The following PHLPP1 variants were observed in gnomAD, a reference collection of about 807,000 sequenced individuals.
PHLPP1 encodes PH domain and leucine rich repeat protein phosphatase 1.
Under a neutral mutation model 117.2 loss-of-function variants are expected in PHLPP1, and 42 were observed. The ratio of observed to expected loss-of-function variants is 0.36; its 90% CI spans 0.28 to 0.46. The LOEUF (loss-of-function observed/expected upper bound fraction) is 0.46. Among genes scored for constraint, PHLPP1 ranks in the 20% least tolerant of loss-of-function variants. The pLI is 1.00. For missense variants in PHLPP1, 2,084 were observed against 2,241.9 expected (o/e 0.93, Z 1.42); for synonymous variants, 1,042 against 970.7 (o/e 1.07, Z -1.37).
At chr18:62,718,644 G>T (rs376191196) in intron 1 of PHLPP1, among the ~76,000 whole-genome samples, 1 of 152,078 alleles carries the variant, frequency 6.6e-6, no homozygotes, top group African/African-American at 2.4e-5. Flanking sequence ...TAAAGTTTAT[G>T]GTCCAGGAAA....
chr18:62,952,237 G>A (rs994739212), intron 12 of PHLPP1, among the ~76,000 whole-genome samples: 2 of 152,098 alleles, frequency 1.3e-5, no homozygotes, highest in African/African-American at 4.8e-5. Flanking sequence ...ACCAGCCTGC[G>A]CAACATGGCA....
At chr18:62,953,173 G>A (rs1910512576) in intron 12 of PHLPP1, among the ~76,000 whole-genome samples, 1 of 152,160 alleles carries the variant, frequency 6.6e-6, no homozygotes, top group Admixed American at 6.5e-5. Context: ...AAGCTAAAAT[G>A]TTCTAGTTCC....
chr18:62,742,193 G>T (rs1025555005), intron 1 of PHLPP1, among the ~76,000 whole-genome samples: 1 of 152,150 alleles, frequency 6.6e-6, no homozygotes, highest in Admixed American at 6.5e-5. Context: ...GTAGGAGGGA[G>T]AAAAGAGAAA....
rs939218004 is a variant in PHLPP1 at position 62,836,094 on chromosome 18, A to C, written c.1774-2690A>C. ...CCGTGCCCGGCCTTGTTCTTGATAC[A>C]TATATATATTTTTAAATTACTGGGT... On this transcript the variant is annotated intron_variant, in intron 2 of 16. Coordinates refer to ENST00000262719, the MANE Select transcript of PHLPP1 (RefSeq NM_194449.4). Among the ~76,000 whole-genome samples, 4 of 151,484 alleles carry C rather than the reference A, an allele frequency of 2.6e-5. No individual in the cohort carries two copies. In the East Asian group the frequency reaches 7.7e-4, roughly 29 times the overall value.
At chr18:62,893,191 A>G (rs1424151948) in intron 4 of PHLPP1, among the ~76,000 whole-genome samples, 1 of 151,934 alleles carries the variant, frequency 6.6e-6, no homozygotes, top group African/African-American at 2.4e-5. Context: ...ACAGGTGCCC[A>G]CCAACATGGC....
At chr18:62,818,781 A>G (rs1014644646) in intron 1 of PHLPP1, among the ~76,000 whole-genome samples, 1 of 152,200 alleles carries the variant, frequency 6.6e-6, no homozygotes, top group East Asian at 1.9e-4. Flanking sequence ...ACAATAGTAT[A>G]TTGTGGGTGG....
At chr18:62,885,521 G>A (rs770059865) in intron 4 of PHLPP1, among the ~76,000 whole-genome samples, 4 of 152,152 alleles carry the variant, frequency 2.6e-5, no homozygotes, top group Non-Finnish European at 5.9e-5. Flanking sequence ...TTAGCTGGGT[G>A]TGGGGGCATG....
chr18:62,748,238 G>GT (rs1383436699), intron 1 of PHLPP1, among the ~76,000 whole-genome samples: 9 of 141,118 alleles, frequency 6.4e-5, no homozygotes, highest in South Asian at 2.1e-4. Flanking sequence ...TCAGGATAGG[G>GT]TTTTTTTTGT....
At chr18:62,797,902 C>G (rs907002975) in intron 1 of PHLPP1, among the ~76,000 whole-genome samples, 3 of 152,116 alleles carry the variant, frequency 2.0e-5, no homozygotes, top group Admixed American at 6.5e-5. Context: ...CTGTTTTATC[C>G]TGACTAATGG....
intron 8 of PHLPP1, 113 bp from the exon 9 acceptor site, chr18:62,914,800 C>A (rs898147597): frequency 1.1e-5 from 8 of 703,898 alleles, no homozygotes; most frequent in Admixed American, 2.6e-5. Context: ...GATTTATGCC[C>A]TTGGTACTTT....
intron 1 of PHLPP1, among the ~76,000 whole-genome samples, chr18:62,765,519 A>G (rs1329797739): frequency 1.3e-5 from 2 of 152,224 alleles, no homozygotes; most frequent in Non-Finnish European, 2.9e-5. Flanking sequence ...ATTTGCTCAT[A>G]TATCTTGAAG....
chr18:62,935,426 T>G (rs761060463), intron 10 of PHLPP1, among the ~76,000 whole-genome samples: 1 of 152,216 alleles, frequency 6.6e-6, no homozygotes, highest in African/African-American at 2.4e-5. Context: ...CTTAATATTA[T>G]TAAGATATCA....
chr18:62,935,412 A>G (rs1411211836), intron 10 of PHLPP1, among the ~76,000 whole-genome samples: 2 of 152,224 alleles, frequency 1.3e-5, no homozygotes, highest in Non-Finnish European at 2.9e-5. Context: ...CTTAGATAGG[A>G]CGACTTAATA....
rs1911844444 is a variant in PHLPP1 at position 62,751,234 on chromosome 18, C to A, written c.1576+33975C>A. 1.3e-5 allele frequency among the ~76,000 whole-genome samples: 2 copies of A among 152,102 alleles called. 1 individual carries two copies. Among genetic ancestry groups the A allele is most frequent in the South Asian group, 4.1e-4 (2 of 4,830 alleles). On this transcript the variant is annotated intron_variant, in intron 1 of 16. Transcript: ENST00000262719. ...CATTTCCTAGTATAATTATTATTTT[C>A]AAAAATAAATGTGAAGCATATAGAA...
intron 1 of PHLPP1, among the ~76,000 whole-genome samples, chr18:62,723,897 A>G (rs1910993944): frequency 6.6e-6 from 1 of 152,112 alleles, no homozygotes; most frequent in Non-Finnish European, 1.5e-5. Context: ...CGAGTCCAAG[A>G]TCTCTTCCAA....
intron 1 of PHLPP1, among the ~76,000 whole-genome samples, chr18:62,820,532 C>G (rs1343054601): frequency 6.6e-6 from 1 of 152,166 alleles, no homozygotes; most frequent in Non-Finnish European, 1.5e-5. Flanking sequence ...GCAGTTTCCC[C>G]GATGCCATTC....
chr18:62,791,090 G>A (rs1913443006), intron 1 of PHLPP1, among the ~76,000 whole-genome samples: 1 of 152,032 alleles, frequency 6.6e-6, no homozygotes, highest in African/African-American at 2.4e-5. Flanking sequence ...GGCTCTTTCC[G>A]ACAGTTCCCA....
chr18:62,892,432 G>C (rs1394506189), intron 4 of PHLPP1, among the ~76,000 whole-genome samples: 3 of 151,914 alleles, frequency 2.0e-5, no homozygotes, highest in Non-Finnish European at 4.4e-5. Context: ...TTAATATCTG[G>C]CTGGATTCTC....
At chr18:62,935,870 A>G (rs1470318636) in intron 10 of PHLPP1, among the ~76,000 whole-genome samples, 2 of 152,046 alleles carry the variant, frequency 1.3e-5, no homozygotes, top group Admixed American at 6.6e-5. Context: ...CGGGCTGGTG[A>G]TGCATGCCTG....
Sources: allele counts gnomAD v4.1 joint callset (sites outside exome capture counted in the v4.1 genomes callset), GRCh38; gene constraint gnomAD v4.1.1; transcripts MANE v1.5; gene names NCBI Gene and HGNC (gene_info 2026-07-23, HGNC 2026-07-21).